Variants in SLC35F3 observed in about 807,000 individuals in gnomAD.
The protein encoded by SLC35F3 is solute carrier family 35 member F3, also known as putative thiamine transporter SLC35F3.
Under a neutral mutation model 49.9 loss-of-function variants are expected in SLC35F3, and 25 were observed. That is an observed-to-expected ratio of 0.50 (90% CI 0.37 to 0.70). The LOEUF is 0.70. Among genes scored for constraint, SLC35F3 ranks in the 30% least tolerant of loss-of-function variants. The pLI is 0.00. For synonymous variants in SLC35F3, 275 were observed against 265.4 expected, an observed-to-expected ratio of 1.04 and a Z score of -0.35; for missense variants, 525 against 639.8, an observed-to-expected ratio of 0.82 and a Z score of 1.94.
intron 3 of SLC35F3, among the ~76,000 whole-genome samples, chr1:234,270,628 G>T (rs972370875): frequency 6.6e-6 from 1 of 152,160 alleles, no homozygotes; most frequent in Admixed American, 6.5e-5. Context: ...TGCCTACAAA[G>T]CTCATTGCAC....
At chr1:233,959,407 A>G (rs761139466) in intron 2 of SLC35F3, among the ~76,000 whole-genome samples, 4 of 152,200 alleles carry the variant, frequency 2.6e-5, no homozygotes, top group Non-Finnish European at 4.4e-5. Flanking sequence ...TCTCTCCCCA[A>G]TGGCCTTTTC....
intron 3 of SLC35F3, among the ~76,000 whole-genome samples, chr1:234,247,920 T>A (rs1667667215): frequency 6.6e-6 from 1 of 152,232 alleles, no homozygotes. Context: ...GGTTGGTCCA[T>A]TGCTTGGTGG....
At chr1:234,103,628 C>T (rs530435898) in intron 2 of SLC35F3, among the ~76,000 whole-genome samples, 17 of 152,288 alleles carry the variant, frequency 1.1e-4, no homozygotes, top group African/African-American at 3.8e-4. Flanking sequence ...AAGCTGAAAT[C>T]GTTGGCCCAG....
intron 4 of SLC35F3, among the ~76,000 whole-genome samples, chr1:234,315,823 T>C (rs891160667): frequency 1.3e-5 from 2 of 152,230 alleles, no homozygotes; most frequent in African/African-American, 4.8e-5. Context: ...CTTGTATTGA[T>C]TCTCTGTGCT....
At chr1:234,204,698 G>T (rs1005483079) in intron 2 of SLC35F3, among the ~76,000 whole-genome samples, 4 of 152,160 alleles carry the variant, frequency 2.6e-5, no homozygotes, top group African/African-American at 9.7e-5. Flanking sequence ...GGAATTATTG[G>T]GGATTCAGTT....
intron 2 of SLC35F3, among the ~76,000 whole-genome samples, chr1:233,970,260 A>G (rs1300158930): frequency 6.6e-6 from 1 of 152,148 alleles, no homozygotes; most frequent in African/African-American, 2.4e-5. Context: ...GGGAAAGGGA[A>G]CAGTGATGGG....
At chr1:234,122,311 C>T (rs1164929210) in intron 2 of SLC35F3, among the ~76,000 whole-genome samples, 2 of 152,152 alleles carry the variant, frequency 1.3e-5, no homozygotes, top group African/African-American at 4.8e-5. Context: ...CCAGGCATTC[C>T]GTTTCTTCTT....
rs374042381 is a variant in SLC35F3 at position 234,103,427 on chromosome 1, G to A, written c.284-127990G>A. 5.9e-5 allele frequency among the ~76,000 whole-genome samples: 9 copies of A among 152,250 alleles called. No individual in the cohort carries two copies. In the East Asian group the frequency reaches 1.5e-3, roughly 26 times the overall value. On this transcript the variant is annotated intron_variant, in intron 2 of 7. Transcript: ENST00000366618. ...AAGGGTGAGGTGGCCGAGTCCACAGGCTGTGCATGAGCAAGCGTTCTCCAA... is the reference window on the plus strand; with the variant it reads ...AAGGGTGAGGTGGCCGAGTCCACAGACTGTGCATGAGCAAGCGTTCTCCAA...
rs544418478 is a variant in SLC35F3, at chr1:234,277,506, G to A, written c.609-31595G>A. Reference sequence around the variant, plus strand: ...GCATCTTTACATCAGTGCTGCATAGGTAGAAAAACGTTTTCTACATTTCTG... The same window carrying A: ...GCATCTTTACATCAGTGCTGCATAGATAGAAAAACGTTTTCTACATTTCTG... On this transcript the variant is annotated intron_variant, in intron 3 of 7. Coordinates refer to ENST00000366618, the MANE Select transcript of SLC35F3 (RefSeq NM_173508.4). Among the ~76,000 whole-genome samples the A allele has an allele frequency of 3.9e-5, 6 of 152,320 alleles. No individual in the cohort carries two copies. In the East Asian group the frequency reaches 1.2e-3, roughly 29 times the overall value.
At chr1:234,209,862 CT>C (rs1667024897) in intron 2 of SLC35F3, among the ~76,000 whole-genome samples, 4 of 152,136 alleles carry the variant, frequency 2.6e-5, no homozygotes, top group Admixed American at 2.6e-4. Context: ...ATTTAGTGAT[CT>C]TTAACAATAT....
chr1:234,042,879 C>T (rs141110184), intron 2 of SLC35F3, among the ~76,000 whole-genome samples: 5 of 152,304 alleles, frequency 3.3e-5, no homozygotes, highest in South Asian at 4.1e-4. Context: ...AGCCGTCTTC[C>T]GCCTTCGCTC....
intron 2 of SLC35F3, among the ~76,000 whole-genome samples, chr1:233,981,512 C>G (rs746611779): frequency 6.6e-6 from 1 of 152,052 alleles, no homozygotes; most frequent in African/African-American, 2.4e-5. Context: ...TCTTGCTGAG[C>G]GGGATTCAAC....
chr1:234,022,703 C>A (rs139359682), intron 2 of SLC35F3, among the ~76,000 whole-genome samples: 1 of 152,266 alleles, frequency 6.6e-6, no homozygotes, highest in East Asian at 1.9e-4. Context: ...GATTCAACAT[C>A]TCTGGCTCAG....
At chr1:233,923,834 A>G (rs571485240) in intron 2 of SLC35F3, among the ~76,000 whole-genome samples, 1 of 152,186 alleles carries the variant, frequency 6.6e-6, no homozygotes, top group Non-Finnish European at 1.5e-5. Flanking sequence ...CACCTAGTTT[A>G]TGAGAGTTTT....
chr1:234,125,638 T>A (rs1432337952), intron 2 of SLC35F3, among the ~76,000 whole-genome samples: 1 of 152,188 alleles, frequency 6.6e-6, no homozygotes, highest in Non-Finnish European at 1.5e-5. Context: ...GCCCTGTCCC[T>A]AACCCAGTCT....
At chr1:234,289,537 C>A (rs1205948555) in intron 3 of SLC35F3, among the ~76,000 whole-genome samples, 3 of 152,116 alleles carry the variant, frequency 2.0e-5, no homozygotes, top group Admixed American at 2.0e-4. Context: ...CCTATCAGAC[C>A]AGCGTTATGG....
intron 2 of SLC35F3, among the ~76,000 whole-genome samples, chr1:233,946,378 A>G (rs1395302941): frequency 1.3e-5 from 2 of 152,226 alleles, no homozygotes; most frequent in African/African-American, 4.8e-5. Context: ...ATGGCCTATA[A>G]TTTTGTTTGG....
chr1:233,975,160 A>G (rs1421281422), intron 2 of SLC35F3, among the ~76,000 whole-genome samples: 2 of 152,262 alleles, frequency 1.3e-5, no homozygotes, highest in East Asian at 3.8e-4. Context: ...CATTTTAACA[A>G]CTGCTCTGTG....
chr1:233,921,296 C>T (rs996414835), intron 2 of SLC35F3, among the ~76,000 whole-genome samples: 17 of 152,076 alleles, frequency 1.1e-4, no homozygotes, highest in South Asian at 2.1e-4. Flanking sequence ...TTCTTATATC[C>T]GCCCCACCCC....
Sources: allele counts gnomAD v4.1 joint callset (sites outside exome capture counted in the v4.1 genomes callset), GRCh38; gene constraint gnomAD v4.1.1; transcripts MANE v1.5; gene names NCBI Gene and HGNC (gene_info 2026-07-23, HGNC 2026-07-21).